Variants in PDE6A observed in about 807,000 individuals in gnomAD.
PDE6A encodes rod cGMP-specific 3',5'-cyclic phosphodiesterase subunit alpha.
A neutral mutation model predicts 106.3 loss-of-function variants in PDE6A; 84 were observed. The observed-to-expected ratio is 0.79, with a 90% confidence interval of 0.66 to 0.95. The LOEUF is 0.95. PDE6A is among the 40% of genes least tolerant of loss of function. The probability of loss-of-function intolerance (pLI) is 0.00; values close to 1 mark genes in which losing one functional copy is unlikely to be tolerated. For synonymous variants in PDE6A, 394 were observed against 386.6 expected, an observed-to-expected ratio of 1.02 and a Z score of -0.23; for missense variants, 1,052 against 1,084.9, an observed-to-expected ratio of 0.97 and a Z score of 0.43.
At chr5:149,920,946 GA>G (rs750186900) in intron 5 of PDE6A, among the ~76,000 whole-genome samples, 5 of 104,364 alleles carry the variant, frequency 4.8e-5, no homozygotes, top group African/African-American at 6.1e-5. Context: ...GAGAGAAAAA[GA>G]AAGAAAGAAA....
At chr5:149,907,237 T>A in intron 7 of PDE6A, 75 bp downstream of exon 7, 1 of 1,137,566 alleles carries the variant, frequency 8.8e-7, no homozygotes. Flanking sequence ...TTCCACTCTC[T>A]TCTTGATCTG....
Position 149,934,180 on chromosome 5 carries a change from T to A in PDE6A, c.628-161A>T, listed in dbSNP as rs141097054. Among the ~76,000 whole-genome samples, 5 of 152,358 alleles carry A rather than the reference T, an allele frequency of 3.3e-5. No homozygotes were observed. The East Asian group carries it at 9.6e-4, about 29-fold the overall frequency. On this transcript the variant is annotated intron_variant, in intron 2 of 21. Transcript: ENST00000255266. ...AGACTCATAAGATGTTGCATGAGCA[T>A]AAAACTCACCGAATGTAGAATGTTG...
intron 2 of PDE6A, 49 bp from the exon 3 acceptor site, chr5:149,934,068 T>A: frequency 2.0e-6 from 2 of 1,024,004 alleles, no homozygotes; most frequent in Non-Finnish European, 3.1e-6. Flanking sequence ...AAGAAATCCA[T>A]CCTCTGGCTA....
chr5:149,867,249 G>A, intron 19 of PDE6A: 1 of 216,146 alleles, frequency 4.6e-6, no homozygotes, highest in Non-Finnish European at 9.4e-6. Context: ...GCATCTCCAT[G>A]GGAAGCTGGC....
At chr5:149,867,503 G>C (rs1377374041) in intron 19 of PDE6A, 3 of 619,768 alleles carry the variant, frequency 4.8e-6, no homozygotes, top group Non-Finnish European at 5.8e-6. Context: ...CAGAGCTTCT[G>C]GTTGGGTAGA....
At position 149,898,435 on chromosome 5, in the gene PDE6A, A is replaced by G. The variant is rs761464298; in HGVS notation, c.1335T>C (p.Asn445=). 1 of 1,613,370 alleles carries G rather than the reference A, an allele frequency of 6.2e-7. No individual in the cohort carries two copies. The highest frequency in any genetic ancestry group is 1.1e-5 in the South Asian group (1 of 91,074). ...CTATGTCCTGGAAAATATCCTTCCT[A>G]TTTTCAAGTTTATTCATTGACTCAT... ...DTYESMNKLE[N]RKDIFQDIVK... The change falls in exon 10 of 22, where the codon AAT becomes AAC. Residue 445 remains asparagine (N), a synonymous_variant. Transcript: ENST00000255266.
chr5:149,869,144 A>G (rs920255821), intron 17 of PDE6A, among the ~76,000 whole-genome samples: 3 of 152,160 alleles, frequency 2.0e-5, no homozygotes, highest in Non-Finnish European at 4.4e-5. Flanking sequence ...AGCCTGGCCA[A>G]CTTGGTGAAA....
chr5:149,883,306 A>C, intron 17 of PDE6A, 123 bp downstream of exon 17: 1 of 706,928 alleles, frequency 1.4e-6, no homozygotes. Context: ...TTTTTTTCAT[A>C]TGTTGAAGGC....
rs183299988 is a variant in PDE6A, at chr5:149,858,271, G to A, written c.*2624C>T. The A allele has an allele frequency of 6.6e-6, 1 of 152,110 alleles. No individual in the cohort carries two copies. The highest frequency in any genetic ancestry group is 6.6e-5 in the Admixed American group (1 of 15,256). The allele number at this position is 152,110 out of a possible 1,614,324, so 9.4% of individuals were successfully genotyped here. A position where few individuals can be genotyped will look rare whatever the true frequency, so the allele number is the denominator to read the frequency against. The stretch of plus-strand genomic sequence containing the variant: ...TATACCTCCATAAAGCTGGTGGTGG[G>A]GGGGGAACGATAGAGAAGGAAAAAA... On this transcript the variant is annotated 3_prime_UTR_variant, in exon 22 of 22. Transcript: ENST00000255266.
chr5:149,937,071 G>A (rs906845536), intron 1 of PDE6A, among the ~76,000 whole-genome samples: 3 of 152,224 alleles, frequency 2.0e-5, no homozygotes, highest in Admixed American at 6.5e-5. Flanking sequence ...GGATGGTGCT[G>A]TAGAGAGTGA....
chr5:149,862,364 T>TAA lies in PDE6A; in HGVS notation c.2506+753_2506+754dup, dbSNP rs201174237. 3.1e-3 allele frequency among the ~76,000 whole-genome samples: 470 copies of TAA among 152,324 alleles called. 6 individuals carry two copies. Among genetic ancestry groups the TAA allele is most frequent in the African/African-American group, 0.011 (445 of 41,562 alleles). On this transcript the variant is annotated intron_variant, in intron 21 of 21. Coordinates refer to ENST00000255266, the MANE Select transcript of PDE6A (RefSeq NM_000440.3). ...AGTGGTACTGAATGAGGATGTCATA[T>TAA]AAGATAGTGAGACCTCTGTCACTGG...
chr5:149,923,219 C>T (rs376783558), intron 4 of PDE6A, among the ~76,000 whole-genome samples: 1 of 152,044 alleles, frequency 6.6e-6, no homozygotes, highest in East Asian at 1.9e-4. Context: ...TGGCCAAGGT[C>T]GGGCACGGTG....
intron 7 of PDE6A, among the ~76,000 whole-genome samples, chr5:149,905,674 G>A (rs1004520992): frequency 3.9e-5 from 6 of 152,044 alleles, no homozygotes; most frequent in Non-Finnish European, 8.8e-5. Flanking sequence ...TTAAATTTAG[G>A]TAGTGCCTGA....
intron 8 of PDE6A, among the ~76,000 whole-genome samples, chr5:149,903,198 C>CCCAG (rs928301276): frequency 1.4e-5 from 2 of 146,742 alleles, no homozygotes; most frequent in African/African-American, 2.5e-5. Context: ...CGACAAAACA[C>CCCAG]CTGGCAAAGT....
intron 2 of PDE6A, 96 bp from the exon 3 acceptor site, chr5:149,934,115 C>T: frequency 1.3e-6 from 1 of 762,192 alleles, no homozygotes; most frequent in Non-Finnish European, 2.3e-6. Flanking sequence ...ATTTTCAAAG[C>T]TTCATCAGAG....
intron 1 of PDE6A, 59 bp from the exon 2 acceptor site, chr5:149,934,777 GCCCAAAGC>G (rs1462183222): frequency 1.3e-6 from 2 of 1,554,124 alleles, no homozygotes; most frequent in Non-Finnish European, 1.8e-6. Context: ...CAGTGGAACG[GCCCAAAGC>G]CCCTGTTGAC....
chr5:149,940,944 A>C (rs1754311313), intron 1 of PDE6A, among the ~76,000 whole-genome samples: 1 of 152,170 alleles, frequency 6.6e-6, no homozygotes, highest in Admixed American at 6.5e-5. Context: ...TTTTAACCTT[A>C]AGATGCTTAA....
At chr5:149,907,896 G>A (rs1416745790) in intron 6 of PDE6A, among the ~76,000 whole-genome samples, 3 of 152,162 alleles carry the variant, frequency 2.0e-5, no homozygotes, top group African/African-American at 7.2e-5. Context: ...ATTAGGAAAT[G>A]AACATTTATA....
At chr5:149,861,670 GC>G (rs1436330867) in intron 21 of PDE6A, among the ~76,000 whole-genome samples, 1 of 152,026 alleles carries the variant, frequency 6.6e-6, no homozygotes, top group African/African-American at 2.4e-5. Context: ...AGAAAAAGAG[GC>G]TGTAAATCTG....
Sources: allele counts gnomAD v4.1 joint callset (sites outside exome capture counted in the v4.1 genomes callset), GRCh38; gene constraint gnomAD v4.1.1; transcripts MANE v1.5; gene names NCBI Gene and HGNC (gene_info 2026-07-23, HGNC 2026-07-21).